PTPRS: variants seen among roughly 807,000 people sequenced by gnomAD.
PTPRS encodes protein tyrosine phosphatase receptor type S, also known as receptor-type tyrosine-protein phosphatase S.
Under a neutral mutation model 215.3 loss-of-function variants are expected in PTPRS, and 63 were observed. The observed-to-expected ratio is 0.29, with a 90% CI of 0.24 to 0.36. The LOEUF (loss-of-function observed/expected upper bound fraction) is 0.36, where lower values mean the gene tolerates loss of function less well. Ranked by LOEUF, PTPRS falls within the 10% of genes least tolerant of loss-of-function variation. PTPRS has a pLI of 1.00. For synonymous variants in PTPRS, 1,404 were observed against 1,191.4 expected, an observed-to-expected ratio of 1.18 and a Z score of -3.68; for missense variants, 2,258 against 2,825.8, an observed-to-expected ratio of 0.80 and a Z score of 4.56.
intron 17 of PTPRS, among the ~76,000 whole-genome samples, chr19:5,224,125 G>A (rs560831728): frequency 2.0e-5 from 3 of 152,034 alleles, no homozygotes; most frequent in Non-Finnish European, 4.4e-5. Flanking sequence ...GTTGCAGGGA[G>A]CCAAGATCGT....
Position 5,210,514 on chromosome 19 carries a change from G to A in PTPRS, c.5442C>T (p.Asn1814=), listed in dbSNP as rs2040771849. The A allele has an allele frequency of 1.2e-6, 2 of 1,614,220 alleles. No homozygotes were observed. The highest frequency in any genetic ancestry group is 1.7e-6 in the Non-Finnish European group (2 of 1,180,046). Residue 1814 remains asparagine, a synonymous_variant, in exon 35 of 38, where the codon AAC becomes AAT. Coordinates refer to ENST00000262963, the MANE Select transcript of PTPRS (RefSeq NM_002850.4). The surrounding 1 kb of genome is among the most constrained non-coding windows in gnomAD (Gnocchi z 4.5). ...ACTCTCGCAGGATATACTGAGGCAT[G>A]TTGTATTCTGCCATCGGATCTACCA... The part of the protein sequence containing the change: ...YFVVDPMAEY[N]MPQYILREFK...
At chr19:5,333,699 T>C (rs958283622) in intron 1 of PTPRS, among the ~76,000 whole-genome samples, 2 of 151,858 alleles carry the variant, frequency 1.3e-5, no homozygotes, top group Non-Finnish European at 1.5e-5. Context: ...CCACTTATGA[T>C]AGAGGCAATG....
chr19:5,269,377 T>C (rs1695653370), intron 4 of PTPRS, among the ~76,000 whole-genome samples: 1 of 151,772 alleles, frequency 6.6e-6, no homozygotes, highest in Non-Finnish European at 1.5e-5. Flanking sequence ...CGGAGTTTAA[T>C]TAAAACAACA....
chr19:5,283,445 C>T (rs961508608), intron 2 of PTPRS, among the ~76,000 whole-genome samples: 6 of 152,008 alleles, frequency 3.9e-5, no homozygotes, highest in South Asian at 2.1e-4. Flanking sequence ...GGCATGGTGG[C>T]GGGTGCCAGT....
chr19:5,239,871 C>T (rs985902255), intron 12 of PTPRS, among the ~76,000 whole-genome samples: 1 of 151,820 alleles, frequency 6.6e-6, no homozygotes, highest in Non-Finnish European at 1.5e-5. Context: ...GAAACAGACC[C>T]GGAGGGATGG....
chr19:5,222,358 C>T, intron 18 of PTPRS, 138 bp from the exon 19 acceptor site: 1 of 748,652 alleles, frequency 1.3e-6, no homozygotes, highest in South Asian at 1.6e-5. Context: ...CCACGGCCTT[C>T]CTGCCTGGCC....
intron 1 of PTPRS, among the ~76,000 whole-genome samples, chr19:5,306,445 C>A (rs1018890234): frequency 1.3e-5 from 2 of 152,088 alleles, no homozygotes; most frequent in African/African-American, 4.8e-5. Flanking sequence ...ACACCTGGCC[C>A]AGGGTGATTT....
At chr19:5,256,172 G>GA (rs2045541165) in intron 8 of PTPRS, 53 bp from the exon 9 acceptor site, 3 of 1,415,820 alleles carry the variant, frequency 2.1e-6, no homozygotes, top group Admixed American at 4.0e-5. Flanking sequence ...GGGAAGAAGA[G>GA]AAAAAATAGG....
chr19:5,268,171 A>G (rs1194457798), intron 4 of PTPRS, among the ~76,000 whole-genome samples: 4 of 122,288 alleles, frequency 3.3e-5, no homozygotes, highest in Non-Finnish European at 7.4e-5. Context: ...CTCCATCTCA[A>G]AATAAATAAA....
intron 7 of PTPRS, among the ~76,000 whole-genome samples, chr19:5,260,007 G>T (rs2045861351): frequency 6.6e-6 from 1 of 152,044 alleles, no homozygotes; most frequent in South Asian, 2.1e-4. Context: ...TTCTTCCCCA[G>T]GTTCCCACTC....
chr19:5,303,233 C>T (rs1404339397), intron 1 of PTPRS, among the ~76,000 whole-genome samples: 3 of 152,200 alleles, frequency 2.0e-5, no homozygotes, highest in Non-Finnish European at 2.9e-5. Flanking sequence ...GGAAAATGGG[C>T]TCTTGGTGCC....
At chr19:5,270,497 G>A (rs2046817817) in intron 4 of PTPRS, among the ~76,000 whole-genome samples, 1 of 152,094 alleles carries the variant, frequency 6.6e-6, no homozygotes, top group Admixed American at 6.6e-5. Context: ...GGACAGTGAG[G>A]CATGGGGTCT....
intron 17 of PTPRS, among the ~76,000 whole-genome samples, chr19:5,224,438 C>A (rs141272649): frequency 1.3e-5 from 2 of 152,280 alleles, no homozygotes; most frequent in East Asian, 3.9e-4. Flanking sequence ...ATGCAGGCAC[C>A]TGACCAATAC....
chr19:5,240,153 CG>C (rs1389237564), intron 12 of PTPRS, 45 bp downstream of exon 12: 2 of 1,461,506 alleles, frequency 1.4e-6, no homozygotes, highest in Non-Finnish European at 1.8e-6. Context: ...CAGAGAGCGC[CG>C]GGGAGGAGCC....
rs1030181236 is a variant in PTPRS at position 5,248,737 on chromosome 19, T to C, written c.719-2692A>G. On this transcript the variant is annotated intron_variant, in intron 9 of 37. Coordinates refer to ENST00000262963, the MANE Select transcript of PTPRS (RefSeq NM_002850.4). ...AACTCCTCAAGGTCTCTGAATCCCA[T>C]AGTAAACCTCTCCAGGCAGACGTGG... is the stretch of plus-strand genomic sequence containing the variant. Among the ~76,000 whole-genome samples the C allele has an allele frequency of 2.6e-5, 4 of 152,348 alleles. No individual in the cohort carries two copies. In the South Asian group the frequency reaches 8.3e-4, roughly 32 times the overall value.
rs1326918817 is a variant in PTPRS at position 5,214,596 on chromosome 19, T to C, written c.4459A>G (p.Ile1487Val). The change falls in exon 29 of 38, where the codon ATC (isoleucine) becomes GTC (valine). Residue 1487 changes from isoleucine to valine, a missense_variant. Physicochemically the swap from Ile to Val is conservative, Grantham distance 29. Coordinates refer to ENST00000262963, the MANE Select transcript of PTPRS (RefSeq NM_002850.4). ...RMVWEQRSAT[I>V]VMMTRLEEKS... ...TCCTCCAGCCGCGTCATCATGACGA[T>C]GGTCGCCGACCGCTGCTCCCACACC... is the stretch of plus-strand genomic sequence containing the variant. 6.2e-7 allele frequency: 1 copy of C among 1,612,348 alleles called. No individual in the cohort carries two copies.
intron 17 of PTPRS, 52 bp from the exon 18 acceptor site, chr19:5,223,349 G>A (rs971951094): frequency 7.1e-7 from 1 of 1,412,640 alleles, no homozygotes. Context: ...CGCCAGCCCA[G>A]AGGCACAAGG....
chr19:5,299,748 T>G (rs56928080), intron 1 of PTPRS, among the ~76,000 whole-genome samples: 2 of 152,050 alleles, frequency 1.3e-5, no homozygotes, highest in African/African-American at 4.8e-5. Context: ...GGTGCGCACC[T>G]GTAATCCCAG....
intron 1 of PTPRS, among the ~76,000 whole-genome samples, chr19:5,316,444 G>A (rs1461478576): frequency 6.6e-6 from 1 of 152,050 alleles, no homozygotes; most frequent in Non-Finnish European, 1.5e-5. Flanking sequence ...CGAGGCTGGA[G>A]TGTGGTGCTG....
Sources: allele counts gnomAD v4.1 joint callset (sites outside exome capture counted in the v4.1 genomes callset), GRCh38; gene constraint gnomAD v4.1.1; non-coding constraint Gnocchi (gnomAD v3.1); transcripts MANE v1.5; gene names NCBI Gene and HGNC (gene_info 2026-07-23, HGNC 2026-07-21).